LRP1B: variants seen among roughly 807,000 people sequenced by gnomAD.
LRP1B encodes the protein low-density lipoprotein receptor-related protein 1B.
A neutral mutation model predicts 556.6 loss-of-function variants in LRP1B; 217 were observed. The observed-to-expected ratio is 0.39, with a 90% confidence interval of 0.35 to 0.44. The LOEUF (loss-of-function observed/expected upper bound fraction) is 0.44. Among genes scored for constraint, LRP1B ranks in the 20% least tolerant of loss-of-function variants. The pLI is 1.00. For synonymous variants in LRP1B, 2,047 were observed against 1,865.8 expected (o/e 1.10, Z -2.50); for missense variants, 5,053 against 5,620.8 (o/e 0.90, Z 3.23).
chr2:140,844,231 T>G (rs1219217911), intron 29 of LRP1B, among the ~76,000 whole-genome samples: 1 of 151,892 alleles, frequency 6.6e-6, no homozygotes, highest in Non-Finnish European at 1.5e-5. Context: ...CCAGCTAATT[T>G]TTTTGTATTT....
chr2:141,515,114 C>G (rs1481001021), intron 2 of LRP1B, among the ~76,000 whole-genome samples: 1 of 152,060 alleles, frequency 6.6e-6, no homozygotes, highest in African/African-American at 2.4e-5. Flanking sequence ...ACCAGATTGA[C>G]CAACATGGAG....
At chr2:140,982,316 G>T (rs1174336532) in intron 17 of LRP1B, 40 bp from the exon 18 acceptor site, 3 of 1,315,686 alleles carry the variant, frequency 2.3e-6, no homozygotes, top group South Asian at 1.2e-5. Context: ...CAATTTAGAG[G>T]CATTTTGAAC....
chr2:141,890,522 G>A (rs1208072785), intron 1 of LRP1B, among the ~76,000 whole-genome samples: 1 of 151,484 alleles, frequency 6.6e-6, no homozygotes, highest in Non-Finnish European at 1.5e-5. Flanking sequence ...TTGGTGAATG[G>A]AAGTAAGCAT....
intron 60 of LRP1B, among the ~76,000 whole-genome samples, chr2:140,459,980 A>T (rs75071028): frequency 0.011 from 1,627 of 152,290 alleles, 11 homozygotes; most frequent in Non-Finnish European, 0.018. Flanking sequence ...TGTACAGCCT[A>T]TGGAACTGTG....
At chr2:140,293,017 G>A (rs907914592) in intron 84 of LRP1B, among the ~76,000 whole-genome samples, 1 of 152,132 alleles carries the variant, frequency 6.6e-6, no homozygotes, top group African/African-American at 2.4e-5. Flanking sequence ...CTTAATGTCT[G>A]TACTTACTGG....
chr2:141,005,004 C>T (rs896896033), intron 15 of LRP1B, among the ~76,000 whole-genome samples: 1 of 151,932 alleles, frequency 6.6e-6, no homozygotes, highest in East Asian at 1.9e-4. Flanking sequence ...CTATGTTGTG[C>T]GTCAACTTAC....
At chr2:140,447,385 C>T (rs533413021) in intron 63 of LRP1B, among the ~76,000 whole-genome samples, 2 of 151,948 alleles carry the variant, frequency 1.3e-5, no homozygotes, top group African/African-American at 2.4e-5. Flanking sequence ...CACGATAAAG[C>T]ATGTCATACT....
intron 2 of LRP1B, among the ~76,000 whole-genome samples, chr2:141,726,011 T>C (rs914757319): frequency 5.3e-5 from 8 of 151,856 alleles, no homozygotes; most frequent in Non-Finnish European, 1.0e-4. Flanking sequence ...ATTACTCTTT[T>C]GTATACGGAT....
intron 6 of LRP1B, among the ~76,000 whole-genome samples, chr2:141,220,769 TAAAAA>T (rs34002651): frequency 7.3e-6 from 1 of 137,094 alleles, no homozygotes. Context: ...TCAACATTCT[TAAAAA>T]AAAAAAAAAA....
At chr2:141,739,957 T>A (rs1266287964) in intron 2 of LRP1B, among the ~76,000 whole-genome samples, 1 of 151,990 alleles carries the variant, frequency 6.6e-6, no homozygotes, top group African/African-American at 2.4e-5. Context: ...AGTTACATGA[T>A]GAGATAACTT....
At chr2:141,811,549 A>C (rs1696359197) in intron 1 of LRP1B, among the ~76,000 whole-genome samples, 1 of 152,098 alleles carries the variant, frequency 6.6e-6, no homozygotes, top group African/African-American at 2.4e-5. Context: ...CCAGCAGCAT[A>C]AATTTCAGTA....
chr2:141,153,371 TA>T (rs1425355489), intron 7 of LRP1B, among the ~76,000 whole-genome samples: 1 of 108,004 alleles, frequency 9.3e-6, no homozygotes, highest in Non-Finnish European at 1.8e-5. Context: ...TATTTATATA[TA>T]ATAATATATA....
chr2:140,871,820 G>T (rs908412578), intron 25 of LRP1B, among the ~76,000 whole-genome samples: 3 of 151,960 alleles, frequency 2.0e-5, no homozygotes, highest in African/African-American at 4.8e-5. Context: ...CCTGGGTTTT[G>T]TTCCTATATC....
intron 84 of LRP1B, among the ~76,000 whole-genome samples, chr2:140,280,108 A>T (rs564522290): frequency 1.3e-5 from 2 of 151,970 alleles, no homozygotes; most frequent in East Asian, 3.9e-4. Context: ...TGAAAAACTT[A>T]GTAATTTCCC....
intron 2 of LRP1B, among the ~76,000 whole-genome samples, chr2:141,605,011 G>A (rs1485369262): frequency 1.3e-5 from 2 of 152,052 alleles, no homozygotes; most frequent in East Asian, 3.9e-4. Context: ...GGCAGAGTGG[G>A]CCAGTAGTCT....
At chr2:141,697,987 C>T (rs537675882) in intron 2 of LRP1B, among the ~76,000 whole-genome samples, 51 of 152,002 alleles carry the variant, frequency 3.4e-4, no homozygotes, top group African/African-American at 9.4e-4. Flanking sequence ...CTGAGCTGTA[C>T]AGTATTAAAT....
intron 3 of LRP1B, among the ~76,000 whole-genome samples, chr2:141,429,782 G>A (rs924085625): frequency 9.9e-5 from 15 of 152,072 alleles, no homozygotes; most frequent in African/African-American, 3.6e-4. Flanking sequence ...GAGGATAATG[G>A]CCTCCTGCTC....
chr2:141,597,869 C>T (rs1043722261), intron 2 of LRP1B, among the ~76,000 whole-genome samples: 1 of 151,848 alleles, frequency 6.6e-6, no homozygotes, highest in Admixed American at 6.6e-5. Flanking sequence ...TTTTTCAATT[C>T]AATTTTTATT....
At chr2:141,125,064 T>A (rs758192982) in intron 7 of LRP1B, among the ~76,000 whole-genome samples, 2 of 152,082 alleles carry the variant, frequency 1.3e-5, no homozygotes, top group African/African-American at 4.8e-5. Flanking sequence ...GGGAAAACTA[T>A]CATTTAAAGA....
Sources: gnomAD v4.1 joint callset for allele counts (sites outside exome capture counted in the v4.1 genomes callset) on GRCh38, gnomAD v4.1.1 for gene constraint, MANE v1.5 for transcripts, NCBI Gene and HGNC (gene_info 2026-07-23, HGNC 2026-07-21) for gene names.